Variants in ME3 observed in about 807,000 individuals in gnomAD.
The protein encoded by ME3 is malic enzyme 3.
In ME3, 48 loss-of-function variants were observed where a neutral mutation model predicts 68.9. The observed-to-expected ratio is 0.70, with a 90% CI of 0.55 to 0.89. The LOEUF (loss-of-function observed/expected upper bound fraction) is 0.89, where lower values mean the gene tolerates loss of function less well. Ranked by LOEUF, ME3 falls within the 40% of genes least tolerant of loss-of-function variation. ME3 has a pLI of 0.00. For synonymous variants in ME3, 320 were observed against 318.8 expected (o/e 1.00, Z -0.04); for missense variants, 675 against 797.4 (o/e 0.85, Z 1.85).
intron 2 of ME3, among the ~76,000 whole-genome samples, chr11:86,592,158 T>TA (rs1377410203): frequency 6.6e-6 from 1 of 152,194 alleles, no homozygotes; most frequent in African/African-American, 2.4e-5. Flanking sequence ...CTAACCTACT[T>TA]AATCATTACA....
chr11:86,552,431 G>A (rs746486893), intron 4 of ME3, among the ~76,000 whole-genome samples: 36 of 152,172 alleles, frequency 2.4e-4, no homozygotes, highest in Non-Finnish European at 4.1e-4. Context: ...TCCAGTGTGA[G>A]CAAGAATCCT....
At chr11:86,657,525 T>A (rs1191646041) in intron 2 of ME3, among the ~76,000 whole-genome samples, 1 of 152,056 alleles carries the variant, frequency 6.6e-6, no homozygotes, top group African/African-American at 2.4e-5. Flanking sequence ...ATGTAAATGA[T>A]GGGTTGATGG....
chr11:86,658,761 G>A (rs1946086357), intron 2 of ME3, among the ~76,000 whole-genome samples: 1 of 152,112 alleles, frequency 6.6e-6, no homozygotes, highest in Admixed American at 6.5e-5. Context: ...TCTCCCACAA[G>A]CATGGCTAGG....
At chr11:86,613,914 A>G (rs1594670547) in intron 2 of ME3, among the ~76,000 whole-genome samples, 1 of 152,218 alleles carries the variant, frequency 6.6e-6, no homozygotes, top group Non-Finnish European at 1.5e-5. Context: ...CATGGATTCA[A>G]TGCTATACCC....
chr11:86,617,807 CT>C (rs138534029), intron 2 of ME3, among the ~76,000 whole-genome samples: 3,942 of 152,212 alleles, frequency 0.026, 79 homozygotes, highest in Non-Finnish European at 0.039. Context: ...TATAAAATTT[CT>C]TTTTTGGGTG....
rs1178453839 is a variant in ME3 at position 86,636,395 on chromosome 11, C to T, written c.183+35367G>A. On this transcript the variant is annotated intron_variant, in intron 2 of 14. Coordinates refer to ENST00000543262, the Ensembl canonical transcript of ME3. ...TAGGACACTGCCTGGCATAAACACTCATGAAGAGAGGGAGTGAGGTCATGG... is the reference window on the plus strand; with the variant it reads ...TAGGACACTGCCTGGCATAAACACTTATGAAGAGAGGGAGTGAGGTCATGG... Among the ~76,000 whole-genome samples, 3 of 152,072 alleles carry T rather than the reference C, an allele frequency of 2.0e-5. 1 individual carries two copies. The highest frequency in any genetic ancestry group is 7.2e-5 in the African/African-American group (3 of 41,402).
chr11:86,440,837 C>T (rs568694043), downstream of ME3, among the ~76,000 whole-genome samples: 11 of 152,322 alleles, frequency 7.2e-5, no homozygotes, highest in Non-Finnish European at 4.4e-5. Flanking sequence ...CTCCCTGAAG[C>T]CTTCTCTTAC....
intron 2 of ME3, among the ~76,000 whole-genome samples, chr11:86,599,784 G>A (rs1960266532): frequency 6.6e-6 from 1 of 152,150 alleles, no homozygotes; most frequent in Admixed American, 6.5e-5. Context: ...AGAAGAGAGT[G>A]GGGGCCAATA....
At chr11:86,504,890 C>T (rs1952967307) in intron 5 of ME3, among the ~76,000 whole-genome samples, 1 of 152,048 alleles carries the variant, frequency 6.6e-6, no homozygotes, top group Non-Finnish European at 1.5e-5. Flanking sequence ...GAGGTTTCAC[C>T]ATGTTGGCCA....
chr11:86,486,532 G>C (rs901232751), intron 7 of ME3, among the ~76,000 whole-genome samples: 4 of 152,218 alleles, frequency 2.6e-5, no homozygotes, highest in African/African-American at 7.2e-5. Flanking sequence ...GCTTGGACAA[G>C]GGAGCACTTT....
intron 2 of ME3, among the ~76,000 whole-genome samples, chr11:86,648,361 C>T (rs183213823): frequency 5.3e-5 from 8 of 152,262 alleles, no homozygotes; most frequent in African/African-American, 1.9e-4. Flanking sequence ...TAAATGCCCA[C>T]ATCAGAAAGC....
At chr11:86,442,086 C>T (rs1949024214) in intron 14 of ME3, among the ~76,000 whole-genome samples, 1 of 152,150 alleles carries the variant, frequency 6.6e-6, no homozygotes, top group Admixed American at 6.5e-5. Flanking sequence ...AAATGTAAAA[C>T]ATGCATACTA....
chr11:86,528,069 TAA>T (rs1217191039), intron 4 of ME3, among the ~76,000 whole-genome samples: 6 of 152,132 alleles, frequency 3.9e-5, no homozygotes, highest in Non-Finnish European at 8.8e-5. Context: ...GCAAATTGGA[TAA>T]AGAGTCAAGA....
chr11:86,443,050 C>G (rs1949092455), intron 13 of ME3, 131 bp from the exon 14 acceptor site: 5 of 633,604 alleles, frequency 7.9e-6, no homozygotes, highest in Non-Finnish European at 5.5e-6. Flanking sequence ...ACTGTTGACT[C>G]TGTTACCAGG....
chr11:86,533,772 G>C (rs560306102), intron 4 of ME3, among the ~76,000 whole-genome samples: 2 of 152,216 alleles, frequency 1.3e-5, no homozygotes, highest in Non-Finnish European at 2.9e-5. Context: ...GTATGTTTTG[G>C]AAAATGCATA....
At chr11:86,503,030 C>G (rs965268506) in intron 5 of ME3, among the ~76,000 whole-genome samples, 5 of 152,120 alleles carry the variant, frequency 3.3e-5, no homozygotes, top group Non-Finnish European at 7.4e-5. Context: ...TCTCATCTTT[C>G]CTTTTATCCT....
chr11:86,653,644 G>A (rs956469119), intron 2 of ME3, among the ~76,000 whole-genome samples: 42 of 152,268 alleles, frequency 2.8e-4, no homozygotes, highest in Middle Eastern at 6.8e-3. Flanking sequence ...GAGAAAGCAA[G>A]AAAGATCTAC....
chr11:86,457,414 A>C, intron 8 of ME3: 1 of 819,714 alleles, frequency 1.2e-6, no homozygotes, highest in Non-Finnish European at 1.5e-6. Context: ...TTCAGTAATC[A>C]GTTCTCAGCC....
At chr11:86,563,905 A>C (rs796105821) in intron 2 of ME3, among the ~76,000 whole-genome samples, 9 of 152,118 alleles carry the variant, frequency 5.9e-5, no homozygotes, top group African/African-American at 2.2e-4. Context: ...TTGTTGTTTT[A>C]GCTTAGGATT....
Sources: gnomAD v4.1 joint callset for allele counts (sites outside exome capture counted in the v4.1 genomes callset) on GRCh38, gnomAD v4.1.1 for gene constraint, MANE v1.5 for transcripts, NCBI Gene and HGNC (gene_info 2026-07-23, HGNC 2026-07-21) for gene names.